TMEM132D: variants seen among roughly 807,000 people sequenced by gnomAD.
The protein encoded by TMEM132D is mature OL transmembrane protein.
TMEM132D carries 21 observed loss-of-function variants against 62.3 expected under a neutral mutation model. The ratio of observed to expected loss-of-function variants is 0.34; its 90% CI spans 0.24 to 0.49. The LOEUF (loss-of-function observed/expected upper bound fraction) is 0.49. Ranked by LOEUF, TMEM132D falls within the 20% of genes least tolerant of loss-of-function variation. The probability of loss-of-function intolerance (pLI) is 0.99; values close to 1 mark genes in which losing one functional copy is unlikely to be tolerated. For synonymous variants in TMEM132D, 621 were observed against 575.6 expected (o/e 1.08, Z -1.13); for missense variants, 1,346 against 1,402.8 (o/e 0.96, Z 0.65).
intron 1 of TMEM132D, among the ~76,000 whole-genome samples, chr12:129,817,097 G>A (rs1161701723): frequency 6.6e-6 from 1 of 152,154 alleles, no homozygotes; most frequent in African/African-American, 2.4e-5. Flanking sequence ...GGTGAAAGCT[G>A]GTATAATGCA....
chr12:129,890,127 G>C (rs1874874276), intron 1 of TMEM132D, among the ~76,000 whole-genome samples: 1 of 152,188 alleles, frequency 6.6e-6, no homozygotes, highest in Non-Finnish European at 1.5e-5. Flanking sequence ...CCCTTCTGGA[G>C]TAACTCCTTG....
At chr12:129,182,458 G>C (rs926291215) in intron 5 of TMEM132D, among the ~76,000 whole-genome samples, 1 of 152,228 alleles carries the variant, frequency 6.6e-6, no homozygotes, top group Non-Finnish European at 1.5e-5. Flanking sequence ...TTGCACTTGT[G>C]CAGGTCCACA....
chr12:129,454,238 G>A (rs974248119), intron 3 of TMEM132D, among the ~76,000 whole-genome samples: 2 of 152,156 alleles, frequency 1.3e-5, no homozygotes, highest in African/African-American at 4.8e-5. Context: ...ACTACACTAT[G>A]GAATTATGGA....
chr12:129,639,813 C>T (rs1174738115), intron 2 of TMEM132D, among the ~76,000 whole-genome samples: 2 of 152,158 alleles, frequency 1.3e-5, no homozygotes, highest in African/African-American at 2.4e-5. Flanking sequence ...TGCCTTTCTT[C>T]AGAGTAAATT....
At chr12:129,855,207 TC>T (rs1252068472) in intron 1 of TMEM132D, among the ~76,000 whole-genome samples, 1 of 61,210 alleles carries the variant, frequency 1.6e-5, no homozygotes, top group African/African-American at 7.1e-5. Context: ...TGTAACAGAG[TC>T]CGGGGGAACG....
At chr12:129,764,272 C>T (rs932346444) in intron 1 of TMEM132D, among the ~76,000 whole-genome samples, 2 of 151,918 alleles carry the variant, frequency 1.3e-5, no homozygotes, top group Non-Finnish European at 2.9e-5. Flanking sequence ...GTGTTGATAC[C>T]CCTTCAGCAT....
At chr12:129,628,687 T>C (rs1026236008) in intron 2 of TMEM132D, among the ~76,000 whole-genome samples, 1 of 152,114 alleles carries the variant, frequency 6.6e-6, no homozygotes, top group African/African-American at 2.4e-5. Context: ...CTGTAGAACA[T>C]GGTAAATGTT....
chr12:129,609,738 C>T (rs754524696), intron 2 of TMEM132D, among the ~76,000 whole-genome samples: 1 of 152,198 alleles, frequency 6.6e-6, no homozygotes, highest in Non-Finnish European at 1.5e-5. Flanking sequence ...CAGATGCCCG[C>T]CTTTCTGAGC....
rs796228512 is a variant in TMEM132D at position 129,321,562 on chromosome 12, CT to C, written c.1299+16071del. On this transcript the variant is annotated intron_variant, in intron 4 of 8. Transcript: ENST00000422113. ...GACCATGGCATGAGGCAGATCTTTT[CT>C]TTTTTTTTTTTGAGACGGAGTCTCA... is the stretch of plus-strand genomic sequence containing the variant. 2.1e-3 allele frequency among the ~76,000 whole-genome samples: 310 copies of C among 145,676 alleles called. 1 individual carries two copies. Among genetic ancestry groups the C allele is most frequent in the African/African-American group, 5.0e-3 (201 of 40,106 alleles).
At chr12:129,501,460 G>C (rs998018355) in intron 3 of TMEM132D, among the ~76,000 whole-genome samples, 12 of 151,992 alleles carry the variant, frequency 7.9e-5, no homozygotes, top group African/African-American at 2.9e-4. Context: ...TATCCTCATA[G>C]AAATACATGG....
intron 3 of TMEM132D, among the ~76,000 whole-genome samples, chr12:129,524,524 C>G (rs1018502651): frequency 6.6e-6 from 1 of 152,116 alleles, no homozygotes; most frequent in Non-Finnish European, 1.5e-5. Flanking sequence ...AAAATTAATT[C>G]ACATCTTGAT....
chr12:129,579,874 C>G (rs1270913626), intron 2 of TMEM132D, among the ~76,000 whole-genome samples: 1 of 152,170 alleles, frequency 6.6e-6, no homozygotes, highest in Non-Finnish European at 1.5e-5. Context: ...ATGAGAGACA[C>G]ATAAGCCTGG....
At chr12:129,453,784 C>T (rs959508495) in intron 3 of TMEM132D, among the ~76,000 whole-genome samples, 11 of 152,186 alleles carry the variant, frequency 7.2e-5, no homozygotes, top group East Asian at 3.9e-4. Context: ...TTGCGTCCTA[C>T]GTTGACTCTT....
At chr12:129,899,005 A>G (rs914593707) in intron 1 of TMEM132D, among the ~76,000 whole-genome samples, 2 of 152,234 alleles carry the variant, frequency 1.3e-5, no homozygotes, top group Non-Finnish European at 2.9e-5. Context: ...TCCCTACCTA[A>G]GGACGCTTTA....
intron 4 of TMEM132D, among the ~76,000 whole-genome samples, chr12:129,314,673 T>C (rs2135638128): frequency 6.6e-6 from 1 of 152,322 alleles, no homozygotes; most frequent in East Asian, 1.9e-4. Flanking sequence ...GGTGGTATTT[T>C]GATGGAGATT....
chr12:129,874,443 T>G (rs1330914251), intron 1 of TMEM132D, among the ~76,000 whole-genome samples: 1 of 152,014 alleles, frequency 6.6e-6, no homozygotes, highest in African/African-American at 2.4e-5. Context: ...AAATAAATTA[T>G]TTTAAAAGTA....
At chr12:129,308,125 C>A (rs972650873) in intron 4 of TMEM132D, among the ~76,000 whole-genome samples, 2 of 152,192 alleles carry the variant, frequency 1.3e-5, no homozygotes, top group Non-Finnish European at 2.9e-5. Context: ...TATAGGCTGA[C>A]CCTATCTGAT....
chr12:129,875,425 G>A (rs1874386192), intron 1 of TMEM132D, among the ~76,000 whole-genome samples: 1 of 152,218 alleles, frequency 6.6e-6, no homozygotes, highest in South Asian at 2.1e-4. Flanking sequence ...AGACCATGGT[G>A]CCAGCGTGGT....
intron 5 of TMEM132D, among the ~76,000 whole-genome samples, chr12:129,140,621 G>T (rs578097224): frequency 6.6e-6 from 1 of 152,040 alleles, no homozygotes; most frequent in African/African-American, 2.4e-5. Context: ...GGCGGATCAC[G>T]TAAGATCAGG....
Sources: allele counts gnomAD v4.1 joint callset (sites outside exome capture counted in the v4.1 genomes callset), GRCh38; gene constraint gnomAD v4.1.1; transcripts MANE v1.5; gene names NCBI Gene and HGNC (gene_info 2026-07-23, HGNC 2026-07-21).